The following ACBD6 variants were observed in gnomAD, a reference collection of about 807,000 sequenced individuals.
ACBD6 encodes acyl-CoA-binding domain-containing protein 6.
A neutral mutation model predicts 37.2 loss-of-function variants in ACBD6; 28 were observed. The observed-to-expected ratio is 0.75, with a 90% confidence interval of 0.56 to 1.03. The LOEUF is 1.03. ACBD6 is among the 50% of genes least tolerant of loss of function. The pLI is 0.00. For missense variants in ACBD6, 340 were observed against 337.4 expected (o/e 1.01, Z -0.06); for synonymous variants, 113 against 126.8 (o/e 0.89, Z 0.73).
rs540912825 is a variant in ACBD6 at position 180,430,930 on chromosome 1, T to C, written c.385-668A>G. ...TGGAAGCAATGAACCTGGATAATAC[T>C]GTCTGCAAGGATCAAAGTGCAACCT... On this transcript the variant is annotated intron_variant, in intron 3 of 7. Coordinates refer to ENST00000367595, the MANE Select transcript of ACBD6 (RefSeq NM_032360.4). Among the ~76,000 whole-genome samples the C allele has an allele frequency of 7.7e-4, 117 of 152,286 alleles. 1 individual carries two copies. Among genetic ancestry groups the C allele is most frequent in the African/African-American group, 2.7e-3 (113 of 41,562 alleles).
At chr1:180,306,251 TAAAAA>T (rs553145187) in intron 7 of ACBD6, among the ~76,000 whole-genome samples, 1 of 144,158 alleles carries the variant, frequency 6.9e-6, no homozygotes, top group Non-Finnish European at 1.5e-5. Flanking sequence ...AGTATAATAA[TAAAAA>T]AAAAACAAAC....
intron 6 of ACBD6, among the ~76,000 whole-genome samples, chr1:180,330,972 G>T (rs1419767313): frequency 6.6e-6 from 1 of 152,188 alleles, no homozygotes; most frequent in Admixed American, 6.5e-5. Context: ...TGCCATCAGG[G>T]TAGTGTCAGA....
intron 3 of ACBD6, among the ~76,000 whole-genome samples, chr1:180,451,816 T>C (rs534133324): frequency 5.9e-5 from 9 of 152,310 alleles, no homozygotes; most frequent in East Asian, 3.9e-4. Context: ...TACAACTTCA[T>C]GAATATGCTA....
chr1:180,278,538 C>T (rs1649181257), intron 9 of ACBD6: 1 of 152,006 alleles, frequency 6.6e-6, no homozygotes, highest in African/African-American at 2.4e-5. Context: ...GGGAGGTGCA[C>T]CAAGCATTCC....
At chr1:180,494,347 T>C (rs762719570) in intron 2 of ACBD6, among the ~76,000 whole-genome samples, 7 of 152,170 alleles carry the variant, frequency 4.6e-5, no homozygotes, top group Non-Finnish European at 1.0e-4. Context: ...TCATAAATTA[T>C]AACAAAAAAC....
chr1:180,407,327 C>A (rs1647666880), intron 5 of ACBD6, among the ~76,000 whole-genome samples: 2 of 152,224 alleles, frequency 1.3e-5, no homozygotes, highest in African/African-American at 4.8e-5. Context: ...GCATGGTTAA[C>A]AAACTGGAAG....
chr1:180,435,175 C>T lies in ACBD6; in HGVS notation c.385-4913G>A, dbSNP rs1394787661. On this transcript the variant is annotated intron_variant, in intron 3 of 7. Coordinates refer to ENST00000367595, the MANE Select transcript of ACBD6 (RefSeq NM_032360.4). ...AAGCACATTAACCTGGGCTGCGACA[C>T]GGATTTCAACATCGCTGGCCTTTCC... 1.1e-4 allele frequency: 73 copies of T among 686,664 alleles called. 2 individuals carry two copies. The highest frequency in any genetic ancestry group is 1.2e-4 in the Admixed American group (6 of 49,930). The allele number at this position is 686,664 out of a possible 1,614,324, so 42.5% of individuals were successfully genotyped here.
chr1:180,271,880 G>A lies in ACBD6; in HGVS notation c.*1345C>T, dbSNP rs761455183. ...GGCCAAAGAGAAACGCCTGAAGAAG[G>A]ATGCAGGGCGGCACCGCTGGGGGCA... On this transcript the variant is annotated 3_prime_UTR_variant, in exon 14 of 14. Transcript: ENST00000642319. 17 of 1,613,740 alleles carry A rather than the reference G, an allele frequency of 1.1e-5. No individual in the cohort carries two copies. Among genetic ancestry groups the A allele is most frequent in the Admixed American group, 1.0e-4 (6 of 59,986 alleles).
At chr1:180,447,424 G>T (rs1182206678) in intron 3 of ACBD6, among the ~76,000 whole-genome samples, 2 of 152,040 alleles carry the variant, frequency 1.3e-5, no homozygotes, top group African/African-American at 4.8e-5. Context: ...ATGGTAAATT[G>T]CTTTCTACCA....
intron 3 of ACBD6, among the ~76,000 whole-genome samples, chr1:180,473,826 T>C (rs1006419669): frequency 1.3e-5 from 2 of 152,110 alleles, no homozygotes; most frequent in African/African-American, 4.8e-5. Context: ...TATGCACATA[T>C]ACACACACAC....
intron 7 of ACBD6, among the ~76,000 whole-genome samples, chr1:180,291,328 C>T (rs1190319605): frequency 2.0e-5 from 3 of 152,204 alleles, no homozygotes; most frequent in Admixed American, 2.0e-4. Flanking sequence ...AGTTTTCACT[C>T]ACACCAATAA....
intron 6 of ACBD6, among the ~76,000 whole-genome samples, chr1:180,320,131 A>G (rs970485307): frequency 2.0e-5 from 3 of 152,182 alleles, no homozygotes; most frequent in Admixed American, 2.0e-4. Flanking sequence ...ACAGTGTATA[A>G]GGGTTCCCTT....
chr1:180,441,293 ACT>A (rs1018807921), intron 3 of ACBD6, among the ~76,000 whole-genome samples: 1 of 152,048 alleles, frequency 6.6e-6, no homozygotes, highest in African/African-American at 2.4e-5. Context: ...TCATTTCTGC[ACT>A]CTCAATTCTT....
intron 1 of ACBD6, among the ~76,000 whole-genome samples, chr1:180,497,822 C>A (rs1034486523): frequency 6.6e-6 from 1 of 152,150 alleles, no homozygotes; most frequent in South Asian, 2.1e-4. Context: ...GAAGAAAATT[C>A]GGCTTCACGC....
chr1:180,337,774 T>A (rs1651801882), intron 6 of ACBD6, among the ~76,000 whole-genome samples: 1 of 152,248 alleles, frequency 6.6e-6, no homozygotes, highest in Middle Eastern at 3.4e-3. Flanking sequence ...CAGCCCAAAA[T>A]CTCCTTAAGC....
At chr1:180,330,011 A>G (rs1317309175) in intron 6 of ACBD6, among the ~76,000 whole-genome samples, 1 of 152,230 alleles carries the variant, frequency 6.6e-6, no homozygotes, top group Non-Finnish European at 1.5e-5. Flanking sequence ...TAAAAACCAG[A>G]AAGTAACAGT....
chr1:180,501,995 A>G (rs1285098635), intron 1 of ACBD6, 50 bp downstream of exon 1: 1 of 1,575,436 alleles, frequency 6.3e-7, no homozygotes, highest in Non-Finnish European at 8.7e-7. Context: ...TTGTTGAGGA[A>G]GAAGGCTCCG....
At position 180,481,316 on chromosome 1, in the gene ACBD6, A is replaced by C. The variant is rs947540803; in HGVS notation, c.384+10953T>G. Among the ~76,000 whole-genome samples, 3 of 152,278 alleles carry C rather than the reference A, an allele frequency of 2.0e-5. No individual in the cohort carries two copies. In the South Asian group the frequency reaches 6.2e-4, roughly 32 times the overall value. ...AGGATCACAGAAAAGATCAGGGCTA[A>C]AAAATAAATTTAGAATCAATATAGA... On this transcript the variant is annotated intron_variant, in intron 3 of 7. Coordinates refer to ENST00000367595, the MANE Select transcript of ACBD6 (RefSeq NM_032360.4).
intron 6 of ACBD6, among the ~76,000 whole-genome samples, chr1:180,385,794 G>A (rs1653826260): frequency 6.6e-6 from 1 of 152,158 alleles, no homozygotes; most frequent in African/African-American, 2.4e-5. Flanking sequence ...GGGAATAAAT[G>A]TCTGTTGTTT....
Sources: gnomAD v4.1 joint callset for allele counts (sites outside exome capture counted in the v4.1 genomes callset) on GRCh38, gnomAD v4.1.1 for gene constraint, MANE v1.5 for transcripts, NCBI Gene and HGNC (gene_info 2026-07-23, HGNC 2026-07-21) for gene names.